Variants in ACOT12 observed in about 807,000 individuals in gnomAD.
ACOT12 encodes the protein acetyl-coenzyme A thioesterase.
A neutral mutation model predicts 67.7 loss-of-function variants in ACOT12; 51 were observed. That is an observed-to-expected ratio of 0.75 (90% CI 0.60 to 0.95). The LOEUF is 0.95. ACOT12 is among the 40% of genes least tolerant of loss of function. ACOT12 has a pLI of 0.00. For missense variants in ACOT12, 734 were observed against 708.1 expected, an observed-to-expected ratio of 1.04 and a Z score of -0.41; for synonymous variants, 251 against 244.6, an observed-to-expected ratio of 1.03 and a Z score of -0.24.
intron 3 of ACOT12, 34 bp from the exon 4 acceptor site, chr5:81,363,923 TG>T: frequency 6.9e-7 from 1 of 1,455,404 alleles, no homozygotes; most frequent in African/African-American, 1.4e-5. Flanking sequence ...AATACACTCT[TG>T]GCCAGTTCAG....
chr5:81,316,001 T>TAAA, the ACOT12 span, among the ~76,000 whole-genome samples: 1 of 152,232 alleles, frequency 6.6e-6, no homozygotes, highest in Non-Finnish European at 1.5e-5. Flanking sequence ...TGTTCACTGA[T>TAAA]ATACCCCAAA....
At chr5:81,321,040 G>A in the ACOT12 span, among the ~76,000 whole-genome samples, 1 of 152,156 alleles carries the variant, frequency 6.6e-6, no homozygotes, top group East Asian at 1.9e-4. Context: ...TGGATCGCTT[G>A]AATCCAGCAG....
intron 2 of ACOT12, among the ~76,000 whole-genome samples, chr5:81,381,089 G>A (rs940087352): frequency 2.0e-5 from 3 of 150,806 alleles, no homozygotes; most frequent in Non-Finnish European, 3.0e-5. Context: ...TTTTAGAGAT[G>A]GGGTTTTGCT....
At chr5:81,312,395 A>G in the ACOT12 span, 2 of 617,818 alleles carry the variant, frequency 3.2e-6, no homozygotes, top group Admixed American at 6.4e-5. Context: ...AATCAATTAC[A>G]GAATTGCTCA....
intron 5 of ACOT12, among the ~76,000 whole-genome samples, chr5:81,358,926 A>C (rs1179771189): frequency 6.6e-6 from 1 of 152,042 alleles, no homozygotes; most frequent in Non-Finnish European, 1.5e-5. Context: ...ACCTTTGAAA[A>C]ATCTCTTTTT....
chr5:81,371,714 C>A, intron 3 of ACOT12, 36 bp downstream of exon 3: 1 of 1,593,284 alleles, frequency 6.3e-7, no homozygotes, highest in Non-Finnish European at 8.6e-7. Flanking sequence ...AAGAAGTGAG[C>A]ACCAACAGGC....
intron 2 of ACOT12, among the ~76,000 whole-genome samples, chr5:81,383,704 G>A (rs929239715): frequency 1.3e-5 from 2 of 151,262 alleles, no homozygotes; most frequent in Non-Finnish European, 2.9e-5. Context: ...ATGTGTTTGT[G>A]TCATTGTGTT....
intron 1 of ACOT12, among the ~76,000 whole-genome samples, chr5:81,393,420 G>C (rs116253134): frequency 6.6e-6 from 1 of 152,096 alleles, no homozygotes; most frequent in Admixed American, 6.5e-5. Flanking sequence ...GCCTGGGTGC[G>C]GTGGCTCATG....
At chr5:81,342,054 A>T (rs1759212436) in intron 11 of ACOT12, among the ~76,000 whole-genome samples, 1 of 152,196 alleles carries the variant, frequency 6.6e-6, no homozygotes, top group Admixed American at 6.5e-5. Flanking sequence ...GCAATGATGC[A>T]ATCATAGCTC....
intron 2 of ACOT12, among the ~76,000 whole-genome samples, chr5:81,383,735 TA>T (rs976624793): frequency 1.4e-3 from 196 of 136,082 alleles, no homozygotes; most frequent in Middle Eastern, 0.011. Flanking sequence ...GTTTAAAAGG[TA>T]AAAAAAAAAA....
Position 81,344,988 on chromosome 5 carries a change from C to T in ACOT12, c.827G>A (p.Gly276Asp), listed in dbSNP as rs780074046. ...AGCACTGTTGATGTGACGCCCTCGGCCCTCGGCCCATTCCTGACAGTCAAA... is the reference window on the plus strand; with the variant it reads ...AGCACTGTTGATGTGACGCCCTCGGTCCTCGGCCCATTCCTGACAGTCAAA... ...EAFDCQEWAE[G>D]RGRHINSAFL... Residue 276 changes from glycine (G) to aspartate (D), a missense_variant, in exon 8 of 15, where the codon GGC becomes GAC. Physicochemically the swap from Gly to Asp is moderately conservative, Grantham distance 94 (BLOSUM62 -1). Transcript: ENST00000307624. 7 of 1,614,178 alleles carry T rather than the reference C, an allele frequency of 4.3e-6. 1 individual carries two copies. The highest frequency in any genetic ancestry group is 5.9e-6 in the Non-Finnish European group (7 of 1,180,024).
chr5:81,385,656 A>G lies in ACOT12; in HGVS notation c.197+101T>C, dbSNP rs145476457. ...ATGTTATTTATTTTATTAAGAAACA[A>G]GATCACTACCTCTGCCTGAATAAGC... On this transcript the variant is annotated intron_variant, in intron 2 of 14. Coordinates refer to ENST00000307624, the MANE Select transcript of ACOT12 (RefSeq NM_130767.3). 5 of 1,066,466 alleles carry G rather than the reference A, an allele frequency of 4.7e-6. No individual in the cohort carries two copies. In the African/African-American group the frequency reaches 8.0e-5, roughly 17 times the overall value. 66.1% of individuals were successfully genotyped at this position (1,066,466 alleles called of 1,614,324 possible).
chr5:81,327,384 C>T (rs1284158097), downstream of ACOT12, among the ~76,000 whole-genome samples: 2 of 152,054 alleles, frequency 1.3e-5, no homozygotes, highest in African/African-American at 4.8e-5. Context: ...AATAGAGAAA[C>T]CGAATGCAGA....
At chr5:81,323,065 T>C in the ACOT12 span, among the ~76,000 whole-genome samples, 1 of 130,488 alleles carries the variant, frequency 7.7e-6, no homozygotes, top group South Asian at 2.4e-4. Context: ...GGAAGGAGCA[T>C]GCCTGGTATA....
chr5:81,357,288 A>C (rs1759746368), intron 5 of ACOT12, among the ~76,000 whole-genome samples: 1 of 152,152 alleles, frequency 6.6e-6, no homozygotes, highest in East Asian at 1.9e-4. Context: ...GTCTGTCTCC[A>C]GCACTAAACT....
At chr5:81,322,033 T>C in the ACOT12 span, among the ~76,000 whole-genome samples, 6 of 152,018 alleles carry the variant, frequency 3.9e-5, no homozygotes, top group Admixed American at 1.3e-4. Flanking sequence ...GAGATCGATA[T>C]ATGTGAAAAG....
intron 5 of ACOT12, among the ~76,000 whole-genome samples, chr5:81,350,557 T>C (rs1366654214): frequency 6.6e-6 from 1 of 152,206 alleles, no homozygotes; most frequent in Non-Finnish European, 1.5e-5. Context: ...TGCTTGGATC[T>C]TTTTCTGTGG....
intron 4 of ACOT12, among the ~76,000 whole-genome samples, chr5:81,360,534 A>G (rs1056773317): frequency 2.6e-5 from 4 of 152,230 alleles, no homozygotes; most frequent in Admixed American, 1.3e-4. Flanking sequence ...TGAAAACATT[A>G]TCTAATAAGC....
rs1490107462 is a variant in ACOT12, at chr5:81,335,734, G to A, written c.1262+34C>T. On this transcript the variant is annotated intron_variant, in intron 12 of 14. Coordinates refer to ENST00000307624, the MANE Select transcript of ACOT12 (RefSeq NM_130767.3). ...AGATCATCTTTTACATTATGTCAAG[G>A]TTGATTGAGAAAAATTTTTAAATTT... 7 of 1,602,062 alleles carry A rather than the reference G, an allele frequency of 4.4e-6. No individual in the cohort carries two copies. In the Admixed American group the frequency reaches 1.2e-4, roughly 28 times the overall value.
Sources: gnomAD v4.1 joint callset for allele counts (sites outside exome capture counted in the v4.1 genomes callset) on GRCh38, gnomAD v4.1.1 for gene constraint, MANE v1.5 for transcripts, NCBI Gene and HGNC (gene_info 2026-07-23, HGNC 2026-07-21) for gene names.